The following CEP112 variants were observed in gnomAD, a reference collection of about 807,000 sequenced individuals.
CEP112 encodes the protein centrosomal protein 112.
A neutral mutation model predicts 153.0 loss-of-function variants in CEP112; 127 were observed. The observed-to-expected ratio is 0.83, with a 90% confidence interval of 0.72 to 0.96. The LOEUF (loss-of-function observed/expected upper bound fraction) is 0.96, where lower values mean the gene tolerates loss of function less well. Ranked by LOEUF, CEP112 falls within the 40% of genes least tolerant of loss-of-function variation. The probability of loss-of-function intolerance (pLI) is 0.00; values close to 1 mark genes in which losing one functional copy is unlikely to be tolerated. For missense variants in CEP112, 1,089 were observed against 1,101.2 expected (o/e 0.99, Z 0.16); for synonymous variants, 358 against 374.4 (o/e 0.96, Z 0.51).
At chr17:65,748,982 TG>T (rs1381183519) in intron 22 of CEP112, among the ~76,000 whole-genome samples, 7 of 152,324 alleles carry the variant, frequency 4.6e-5, no homozygotes, top group Admixed American at 2.0e-4. Flanking sequence ...ATATGCCAAC[TG>T]GGGATTTTTA....
intron 21 of CEP112, among the ~76,000 whole-genome samples, chr17:65,800,149 C>T (rs1250268587): frequency 3.9e-5 from 6 of 152,128 alleles, no homozygotes; most frequent in Non-Finnish European, 8.8e-5. Context: ...CCACAAAACA[C>T]ACCTTTTAAG....
intron 21 of CEP112, among the ~76,000 whole-genome samples, chr17:65,770,831 T>C (rs1221735994): frequency 6.6e-6 from 1 of 150,494 alleles, no homozygotes; most frequent in Non-Finnish European, 1.5e-5. Context: ...TGAAGAGGTA[T>C]AGCTAATAAG....
At chr17:65,718,810 C>T (rs2049700296) in intron 23 of CEP112, among the ~76,000 whole-genome samples, 1 of 152,176 alleles carries the variant, frequency 6.6e-6, no homozygotes, top group Non-Finnish European at 1.5e-5. Flanking sequence ...AGAAAGTGTT[C>T]TTATCTTGGG....
At chr17:65,927,284 A>G (rs1018965718) in intron 19 of CEP112, among the ~76,000 whole-genome samples, 14 of 152,182 alleles carry the variant, frequency 9.2e-5, no homozygotes, top group African/African-American at 3.4e-4. Flanking sequence ...CTTTCTGCAC[A>G]ACCTGCAGAA....
At chr17:66,135,948 G>A (rs918402451) in intron 4 of CEP112, among the ~76,000 whole-genome samples, 3 of 152,118 alleles carry the variant, frequency 2.0e-5, no homozygotes, top group African/African-American at 7.2e-5. Context: ...TCAGATGTCA[G>A]CAAGACTCTC....
chr17:65,907,414 C>A (rs556622364), intron 19 of CEP112, among the ~76,000 whole-genome samples: 2 of 152,274 alleles, frequency 1.3e-5, no homozygotes, highest in Admixed American at 1.3e-4. Context: ...GCTCATGATT[C>A]TACTTAATGA....
chr17:65,805,079 G>T (rs2055518121), intron 21 of CEP112, among the ~76,000 whole-genome samples: 1 of 151,924 alleles, frequency 6.6e-6, no homozygotes, highest in Non-Finnish European at 1.5e-5. Context: ...AGACTCCTGA[G>T]CTCAAGTGAC....
chr17:65,858,998 A>G (rs764560547), intron 20 of CEP112, among the ~76,000 whole-genome samples: 2 of 152,212 alleles, frequency 1.3e-5, no homozygotes, highest in Non-Finnish European at 2.9e-5. Flanking sequence ...TAATTCCAGA[A>G]GATCAATTCT....
intron 20 of CEP112, among the ~76,000 whole-genome samples, chr17:65,859,711 T>TAA (rs540133663): frequency 9.2e-4 from 132 of 142,910 alleles, no homozygotes; most frequent in Admixed American, 7.7e-4. Flanking sequence ...GACAAGAACA[T>TAA]AAAAAAAAAA....
rs184961740 is a variant in CEP112, at chr17:65,671,513, A to T, written c.2697+17616T>A. On this transcript the variant is annotated intron_variant, in intron 24 of 26. Transcript: ENST00000535342. ...CTCATTGGTACAAACTCCCTGAACC[A>T]ACTGGAGATAAACTCTGTTCATCTT... Among the ~76,000 whole-genome samples, 388 of 152,322 alleles carry T rather than the reference A, an allele frequency of 2.5e-3. 1 individual carries two copies. The highest frequency in any genetic ancestry group is 8.9e-3 in the African/African-American group (368 of 41,574).
chr17:65,649,118 A>T (rs2045609060), intron 24 of CEP112, among the ~76,000 whole-genome samples: 1 of 145,336 alleles, frequency 6.9e-6, no homozygotes, highest in South Asian at 2.2e-4. Flanking sequence ...ACACACACAC[A>T]CTGTATCAAC....
chr17:65,879,395 C>T (rs926960606), intron 20 of CEP112, among the ~76,000 whole-genome samples: 1 of 152,226 alleles, frequency 6.6e-6, no homozygotes, highest in African/African-American at 2.4e-5. Context: ...AGGCTTCCAA[C>T]AACTTCATTT....
At chr17:65,797,090 A>AACAACAAC (rs1215975478) in intron 21 of CEP112, 4 of 124,738 alleles carry the variant, frequency 3.2e-5, no homozygotes, top group East Asian at 8.1e-4. Flanking sequence ...ACAACAACAA[A>AACAACAAC]ACCCATCTTT....
chr17:66,035,431 G>T (rs1568412225), intron 12 of CEP112, among the ~76,000 whole-genome samples: 1 of 151,984 alleles, frequency 6.6e-6, no homozygotes, highest in Non-Finnish European at 1.5e-5. Context: ...AAACCTTCAG[G>T]TTCCAACAGA....
chr17:65,853,212 A>G (rs747421762), intron 20 of CEP112, among the ~76,000 whole-genome samples: 1 of 152,264 alleles, frequency 6.6e-6, no homozygotes, highest in Admixed American at 6.5e-5. Context: ...CTGAAGGAGA[A>G]GCTGTTCCAT....
chr17:65,645,345 G>A (rs969822823), intron 24 of CEP112, among the ~76,000 whole-genome samples: 4 of 152,076 alleles, frequency 2.6e-5, no homozygotes, highest in East Asian at 1.9e-4. Context: ...TTGGAATTAC[G>A]TGCATGCATC....
At chr17:66,070,058 A>T in intron 8 of CEP112, 57 bp from the exon 9 acceptor site, 1 of 886,144 alleles carries the variant, frequency 1.1e-6, no homozygotes, top group East Asian at 2.5e-5. Context: ...GGCAAAAAAT[A>T]CACAATTAAA....
Position 65,902,163 on chromosome 17 carries a change from G to T in CEP112, c.2152C>A (p.Arg718=). The T allele has an allele frequency of 6.2e-7, 1 of 1,612,600 alleles. No homozygotes were observed. Among genetic ancestry groups the T allele is most frequent in the South Asian group, 1.1e-5 (1 of 90,884 alleles). ...HENQIQEFKK[R]DAQVIADMEA... is the part of the protein sequence containing the mutation. The stretch of plus-strand genomic sequence containing the variant: ...TTATTGATAATTACCTGTGCATCTC[G>T]TTTCTTGAACTCCTGAATTTGATTT... The change falls in exon 20 of 27, where the codon CGA becomes AGA. Residue 718 remains arginine, a synonymous_variant. Coordinates refer to ENST00000535342, the MANE Select transcript of CEP112 (RefSeq NM_001199165.4).
At chr17:65,899,841 A>T (rs1202948456) in intron 20 of CEP112, among the ~76,000 whole-genome samples, 3 of 152,144 alleles carry the variant, frequency 2.0e-5, no homozygotes, top group Non-Finnish European at 4.4e-5. Context: ...TCTAACTGAA[A>T]ATCAAATTAA....
Sources: allele counts gnomAD v4.1 joint callset (sites outside exome capture counted in the v4.1 genomes callset), GRCh38; gene constraint gnomAD v4.1.1; transcripts MANE v1.5; gene names NCBI Gene and HGNC (gene_info 2026-07-23, HGNC 2026-07-21).